PARK7: variants seen among roughly 807,000 people sequenced by gnomAD.
PARK7 encodes Parkinsonism associated deglycase.
PARK7 carries 14 observed loss-of-function variants against 20.5 expected under a neutral mutation model. The observed-to-expected ratio is 0.68, with a 90% CI of 0.45 to 1.07. PARK7 has a LOEUF of 1.07. Ranked by LOEUF, PARK7 falls within the 50% of genes least tolerant of loss-of-function variation. PARK7 has a pLI of 0.00. For missense variants in PARK7, 234 were observed against 238.1 expected (o/e 0.98, Z 0.11); for synonymous variants, 98 against 84.3 (o/e 1.16, Z -0.89).
chr1:7,975,843 A>T (rs1306475746), intron 5 of PARK7, among the ~76,000 whole-genome samples: 1 of 152,236 alleles, frequency 6.6e-6, no homozygotes, highest in African/African-American at 2.4e-5. Context: ...AATAAAAATT[A>T]AAAACAATTT....
At chr1:7,972,303 A>T (rs1010147617) in intron 5 of PARK7, among the ~76,000 whole-genome samples, 2 of 152,120 alleles carry the variant, frequency 1.3e-5, no homozygotes, top group African/African-American at 4.8e-5. Context: ...ATCTCAACAA[A>T]CAAACAAACA....
intron 5 of PARK7, 82 bp from the exon 6 acceptor site, chr1:7,977,570 C>A: frequency 1.6e-6 from 2 of 1,229,364 alleles, no homozygotes; most frequent in East Asian, 2.4e-5. Flanking sequence ...CAGGCATGAG[C>A]CACTGTGCCA....
chr1:7,972,287 A>AC, intron 5 of PARK7, among the ~76,000 whole-genome samples: 1 of 151,966 alleles, frequency 6.6e-6, no homozygotes, highest in Admixed American at 6.6e-5. Context: ...ACATAGCCAG[A>AC]CCCCCATCTC....
chr1:7,977,985 CTTTTTTTTTTTTT>C lies in PARK7; in HGVS notation c.409+264_409+276del, dbSNP rs34231723. ...ATGTTGGTCAGGCTGGTCTCAAACT[CTTTTTTTTTTTTT>C]TTTTTTTTTTTTTTTTGAGACAGAG... On this transcript the variant is annotated intron_variant, in intron 6 of 6. Coordinates refer to ENST00000338639, the MANE Select transcript of PARK7 (RefSeq NM_007262.5). 2.1e-4 allele frequency among the ~76,000 whole-genome samples: 11 copies of C among 53,578 alleles called. No individual in the cohort carries two copies. The East Asian group carries it at 2.6e-3, about 13-fold the overall frequency. The allele number at this position is 53,578 out of a possible 152,430, so 35.1% of individuals were successfully genotyped here. A position where few individuals can be genotyped will look rare whatever the true frequency, so the allele number is the denominator to read the frequency against.
chr1:7,967,734 A>G (rs2151430011), intron 3 of PARK7, among the ~76,000 whole-genome samples: 1 of 151,952 alleles, frequency 6.6e-6, no homozygotes, highest in South Asian at 2.1e-4. Flanking sequence ...AGCCTGGGCA[A>G]TGAAGCGAGA....
At chr1:7,964,100 A>G (rs1640273421) in intron 2 of PARK7, among the ~76,000 whole-genome samples, 1 of 152,130 alleles carries the variant, frequency 6.6e-6, no homozygotes, top group South Asian at 2.1e-4. Flanking sequence ...GATGTGAGCT[A>G]CTGCACCCGC....
intron 2 of PARK7, among the ~76,000 whole-genome samples, chr1:7,963,839 C>CA: frequency 6.9e-6 from 1 of 143,928 alleles, no homozygotes; most frequent in African/African-American, 2.6e-5. Context: ...TTTTTTAAGA[C>CA]AGAGTCTTGC....
At position 7,962,889 on chromosome 1, in the gene PARK7, C is replaced by T. The variant is rs773223136; in HGVS notation, c.90+14C>T. 1 of 1,590,044 alleles carries T rather than the reference C, an allele frequency of 6.3e-7. No homozygotes were observed. Among genetic ancestry groups the T allele is most frequent in the Non-Finnish European group, 8.6e-7 (1 of 1,158,304 alleles). Reference sequence around the variant, plus strand: ...AGGCGAGCTGGGGTAAGTCCCACATCGATTTTTAGCCATTCCTGTTTTAAA... The same window carrying T: ...AGGCGAGCTGGGGTAAGTCCCACATTGATTTTTAGCCATTCCTGTTTTAAA... On this transcript the variant is annotated intron_variant, in intron 2 of 6. Transcript: ENST00000338639.
intron 6 of PARK7, among the ~76,000 whole-genome samples, chr1:7,981,681 C>T (rs1484612533): frequency 1.5e-5 from 2 of 131,202 alleles, no homozygotes; most frequent in Non-Finnish European, 1.6e-5. Flanking sequence ...TTTTTTGAGA[C>T]AGAGTCTCTC....
chr1:7,974,133 G>GTCC (rs1385422953), intron 5 of PARK7, among the ~76,000 whole-genome samples: 1 of 113,954 alleles, frequency 8.8e-6, no homozygotes, highest in African/African-American at 2.9e-5. Context: ...AACATAGTGA[G>GTCC]ACCCCCCCAC....
At chr1:7,981,456 C>T (rs1640707134) in intron 6 of PARK7, among the ~76,000 whole-genome samples, 1 of 152,212 alleles carries the variant, frequency 6.6e-6, no homozygotes, top group African/African-American at 2.4e-5. Context: ...GACTGCTCCC[C>T]AAAGGCCAGG....
chr1:7,962,793 C>T lies in PARK7; in HGVS notation c.8C>T (p.Ser3Phe). 6.3e-7 allele frequency: 1 copy of T among 1,599,802 alleles called. No homozygotes were observed. Among genetic ancestry groups the T allele is most frequent in the Non-Finnish European group, 8.5e-7 (1 of 1,172,298 alleles). The part of the protein sequence containing the change: MA[S>F]KRALVILAKG... ...TAAACATATAACATAAAAATGGCTT[C>T]CAAAAGAGCTCTGGTCATCCTGGCT... Residue 3 changes from serine to phenylalanine, a missense_variant, in exon 2 of 7, where the codon TCC (serine) becomes TTC (phenylalanine). Physicochemically the swap from Ser to Phe is radical, Grantham distance 155 (BLOSUM62 -2). Coordinates refer to ENST00000338639, the MANE Select transcript of PARK7 (RefSeq NM_007262.5).
chr1:7,965,356 A>G lies in PARK7; in HGVS notation c.123A>G (p.Lys41=). 1 of 1,614,198 alleles carries G rather than the reference A, an allele frequency of 6.2e-7. No individual in the cohort carries two copies. Among genetic ancestry groups the G allele is most frequent in the Non-Finnish European group, 8.5e-7 (1 of 1,180,030 alleles). The change falls in exon 3 of 7, where the codon AAA becomes AAG. Residue 41 remains lysine (K), a synonymous_variant. Transcript: ENST00000338639. ...IKVTVAGLAG[K]DPVQCSRDVV... ...TCACCGTTGCAGGCCTGGCTGGAAA[A>G]GACCCAGTACAGTGTAGCCGTGATG...
intron 4 of PARK7, among the ~76,000 whole-genome samples, chr1:7,970,562 CCT>C (rs764146658): frequency 6.6e-6 from 1 of 152,158 alleles, no homozygotes; most frequent in Admixed American, 6.5e-5. Context: ...AGATTCTGTT[CCT>C]CTCTCTGCCA....
At chr1:7,968,921 A>C (rs1311563507) in intron 3 of PARK7, among the ~76,000 whole-genome samples, 1 of 152,138 alleles carries the variant, frequency 6.6e-6, no homozygotes, top group African/African-American at 2.4e-5. Context: ...TCCTGTTCTC[A>C]TTCTCCCTCT....
At chr1:7,971,379 G>A (rs992891396) in intron 5 of PARK7, 8 of 262,572 alleles carry the variant, frequency 3.0e-5, no homozygotes, top group Admixed American at 1.0e-4. Flanking sequence ...GGTGCTTTCC[G>A]CTGGCTTCTC....
rs1640288637 is a variant in PARK7 at position 7,964,637 on chromosome 1, A to C, written c.91-687A>C. ...CTAGGCCGAAGGATAGCCTGTAGTC[A>C]GCATGACTAGGTTTTGCCAAGTTGC... On this transcript the variant is annotated intron_variant, in intron 2 of 6. Coordinates refer to ENST00000338639, the MANE Select transcript of PARK7 (RefSeq NM_007262.5). Among the ~76,000 whole-genome samples, 3 of 152,372 alleles carry C rather than the reference A, an allele frequency of 2.0e-5. No individual in the cohort carries two copies. In the South Asian group the frequency reaches 6.2e-4, roughly 32 times the overall value.
chr1:7,975,516 A>G (rs1458091926), intron 5 of PARK7, among the ~76,000 whole-genome samples: 4 of 152,222 alleles, frequency 2.6e-5, no homozygotes, highest in African/African-American at 7.2e-5. Flanking sequence ...AGTGCAGAGT[A>G]CAGAGCGTTT....
rs1640766792 is a variant in PARK7, at chr1:7,984,041, G to A, written c.410-853G>A. On this transcript the variant is annotated intron_variant, in intron 6 of 6. Transcript: ENST00000338639. This position sits in a 1 kb window ranked among gnomAD's most constrained non-coding sequence, Gnocchi z 4.3. Reference sequence around the variant, plus strand: ...GTACCTAATTTGGGGAGGTGGGGGTGGTCACAGATACCCTCTCTGAGGGGT... The same window carrying A: ...GTACCTAATTTGGGGAGGTGGGGGTAGTCACAGATACCCTCTCTGAGGGGT... Among the ~76,000 whole-genome samples, 2 of 152,182 alleles carry A rather than the reference G, an allele frequency of 1.3e-5. No homozygotes were observed. The highest frequency in any genetic ancestry group is 6.5e-5 in the Admixed American group (1 of 15,284).
Sources: gnomAD v4.1 joint callset for allele counts (sites outside exome capture counted in the v4.1 genomes callset) on GRCh38, gnomAD v4.1.1 for gene constraint, Gnocchi (gnomAD v3.1) non-coding constraint, MANE v1.5 for transcripts, NCBI Gene and HGNC (gene_info 2026-07-23, HGNC 2026-07-21) for gene names.